Variants in CTSV observed in about 807,000 individuals in gnomAD.
CTSV encodes the protein cathepsin L2.
In CTSV, 33 loss-of-function variants were observed where a neutral mutation model predicts 35.6. That is an observed-to-expected ratio of 0.93 (90% confidence interval 0.70 to 1.24). The LOEUF is 1.24. Among genes scored for constraint, CTSV ranks in the 50% most tolerant of loss-of-function variants. The pLI, the probability that CTSV is intolerant of heterozygous loss-of-function variation, is 0.00. For synonymous variants in CTSV, 154 were observed against 147.1 expected (o/e 1.05, Z -0.34); for missense variants, 408 against 413.1 (o/e 0.99, Z 0.11).
rs1252649987 is a variant in CTSV at position 97,034,799 on chromosome 9, C to A, written c.832G>T (p.Gly278Cys). 5.0e-6 allele frequency: 8 copies of A among 1,614,108 alleles called. No homozygotes were observed. The highest frequency in any genetic ancestry group is 6.8e-6 in the Non-Finnish European group (8 of 1,180,022). Reference sequence around the variant, plus strand: ...AAGCCGTAGCCAACCACCAGAACACCATGATCCAGGTTTTTGCTGCTGCAG... The same window carrying A: ...AAGCCGTAGCCAACCACCAGAACACAATGATCCAGGTTTTTGCTGCTGCAG... ...PDCSSKNLDH[G>C]VLVVGYGFEG... The change falls in exon 7 of 8, where the codon GGT becomes TGT. Residue 278 changes from glycine to cysteine, a missense_variant. Physicochemically the swap from Gly to Cys is radical, Grantham distance 159. Transcript: ENST00000259470.
In CTSV at chr9:97,032,939, A is replaced by T. The variant is rs905339408; in HGVS notation, c.*10T>A. On this transcript the variant is annotated 3_prime_UTR_variant, in exon 8 of 8. Transcript: ENST00000259470. ...TGTCCTTAAGTCCTTCCTCCTCACCATCCATCAGCTCACACATTGGGGTAG... is the reference window on the plus strand; with the variant it reads ...TGTCCTTAAGTCCTTCCTCCTCACCTTCCATCAGCTCACACATTGGGGTAG... 2 of 1,600,778 alleles carry T rather than the reference A, an allele frequency of 1.2e-6. No homozygotes were observed. The highest frequency in any genetic ancestry group is 2.7e-5 in the African/African-American group (2 of 74,596).
At position 97,037,329 on chromosome 9, in the gene CTSV, G is replaced by A. The variant is rs768347914; in HGVS notation, c.319C>T (p.Arg107Cys). 6.6e-5 allele frequency: 107 copies of A among 1,613,958 alleles called. No individual in the cohort carries two copies. The highest frequency in any genetic ancestry group is 8.9e-5 in the Non-Finnish European group (105 of 1,180,008). The part of the protein sequence containing the change: ...NQKFRKGKVF[R>C]EPLFLDLPKS... Reference sequence around the variant, plus strand: ...GGAAGATCAAGAAACAGAGGCTCACGGAACACTTTCCCCTTCCTGAATTTC... The same window carrying A: ...GGAAGATCAAGAAACAGAGGCTCACAGAACACTTTCCCCTTCCTGAATTTC... The change falls in exon 4 of 8, where the codon CGT (arginine) becomes TGT (cysteine). Residue 107 changes from arginine (R) to cysteine (C), a missense_variant. Physicochemically the swap from Arg to Cys is radical, Grantham distance 180. Transcript: ENST00000259470.
At position 97,032,833 on chromosome 9, in the gene CTSV, T is replaced by G; in HGVS notation, c.*116A>C. The G allele has an allele frequency of 8.1e-6, 5 of 614,656 alleles. No homozygotes were observed. Among genetic ancestry groups the G allele is most frequent in the Admixed American group, 3.5e-5 (1 of 28,736 alleles). 38.1% of individuals were successfully genotyped at this position (614,656 alleles called of 1,614,324 possible). A position where few individuals can be genotyped will look rare whatever the true frequency, so the allele number is the denominator to read the frequency against. ...AATGTCACAGAATTAAAATCTCAAC[T>G]TGGATCCTCAATGATTCAACTGGTT... is the stretch of plus-strand genomic sequence containing the variant. On this transcript the variant is annotated 3_prime_UTR_variant, in exon 8 of 8. Transcript: ENST00000259470.
chr9:97,034,793 G>C lies in CTSV; in HGVS notation c.838C>G (p.Leu280Val), dbSNP rs753507628. The change falls in exon 7 of 8, where the codon CTG (leucine) becomes GTG (valine). Residue 280 changes from leucine to valine, a missense_variant. By Grantham distance (32) the Leu-to-Val change is conservative (BLOSUM62 1). Transcript: ENST00000259470. Reference protein sequence around the residue: ...CSSKNLDHGVLVVGYGFEGAN... With the variant: ...CSSKNLDHGVVVVGYGFEGAN... ...CCTTCAAAGCCGTAGCCAACCACCA[G>C]AACACCATGATCCAGGTTTTTGCTG... The C allele has an allele frequency of 1.2e-6, 2 of 1,614,102 alleles. No homozygotes were observed. The highest frequency in any genetic ancestry group is 2.7e-5 in the African/African-American group (2 of 75,008).
intron 3 of CTSV, 28 bp downstream of exon 3, chr9:97,037,465 A>C: frequency 6.2e-7 from 1 of 1,614,078 alleles, no homozygotes. Context: ...GAAGCAGCAC[A>C]GAGTTCAGCA....
intron 5 of CTSV, among the ~76,000 whole-genome samples, chr9:97,036,201 G>A (rs1828847085): frequency 2.0e-5 from 3 of 151,960 alleles, no homozygotes; most frequent in Admixed American, 2.0e-4. Context: ...CTCCTGAGTA[G>A]CTGGGACTAC....
At position 97,037,509 on chromosome 9, in the gene CTSV, T is replaced by C. The variant is rs775013814; in HGVS notation, c.233A>G (p.Asn78Ser). ...CACACTCACCATGTCACCAAAAGCA[T>C]TCATGGCCATTGTGAAGCCATGTTT... ...QGKHGFTMAM[N>S]AFGDMTNEEF... is the part of the protein sequence containing the mutation. Residue 78 changes from asparagine (N) to serine (S), a missense_variant, in exon 3 of 8, where the codon AAT becomes AGT. By Grantham distance (46) the Asn-to-Ser change is conservative. Transcript: ENST00000259470. 9 of 1,614,074 alleles carry C rather than the reference T, an allele frequency of 5.6e-6. No individual in the cohort carries two copies. The East Asian group carries it at 2.0e-4, about 36-fold the overall frequency.
At chr9:97,037,782 T>C (rs778218034) in intron 2 of CTSV, 136 bp downstream of exon 2, 357 of 1,363,700 alleles carry the variant, frequency 2.6e-4, no homozygotes, top group Non-Finnish European at 3.4e-4. Flanking sequence ...TATGCCCATA[T>C]TGCACCTATA....
Position 97,036,519 on chromosome 9 carries a change from T to G in CTSV, c.621+4A>C. On this transcript the variant is annotated splice_donor_region_variant and intron_variant, in intron 5 of 7. Transcript: ENST00000259470. ...CGAATGACAAGATAAGGAGCTCCAT[T>G]TACCACTGCTACATATGGATAGGAT... 4 of 1,604,564 alleles carry G rather than the reference T, an allele frequency of 2.5e-6. No individual in the cohort carries two copies. The highest frequency in any genetic ancestry group is 3.4e-6 in the Non-Finnish European group (4 of 1,171,312).
chr9:97,036,372 G>A (rs936080372), intron 5 of CTSV, 151 bp downstream of exon 5: 2 of 713,124 alleles, frequency 2.8e-6, no homozygotes, highest in African/African-American at 3.5e-5. Flanking sequence ...CCTGGCCAAA[G>A]GCTAATAATT....
Position 97,036,687 on chromosome 9 carries a change from G to T in CTSV, c.457C>A (p.Arg153=). ...ATGALEGQMF[R]KTGKLVSLSE... ...AGTGAGACAAGTTTCCCAGTTTTCC[G>T]GAACATCTGTCCTTCAAGAGCACCA... Residue 153 remains arginine, a synonymous_variant, in exon 5 of 8, where the codon CGG becomes AGG. Coordinates refer to ENST00000259470, the MANE Select transcript of CTSV (RefSeq NM_001333.4). 6.2e-7 allele frequency: 1 copy of T among 1,613,776 alleles called. No homozygotes were observed. The highest frequency in any genetic ancestry group is 8.5e-7 in the Non-Finnish European group (1 of 1,179,982).
intron 6 of CTSV, 62 bp from the exon 7 acceptor site, chr9:97,034,905 C>G (rs567267114): frequency 8.1e-7 from 1 of 1,240,952 alleles, no homozygotes; most frequent in South Asian, 1.2e-5. Flanking sequence ...AGTAACCCAC[C>G]CTACCACCCT....
chr9:97,037,834 A>G, intron 2 of CTSV, 84 bp downstream of exon 2: 1 of 1,556,370 alleles, frequency 6.4e-7, no homozygotes, highest in Non-Finnish European at 8.8e-7. Context: ...TCTGGTGTCT[A>G]GAAGCTACTC....
chr9:97,036,322 C>T (rs983505422), intron 5 of CTSV: 2 of 599,516 alleles, frequency 3.3e-6, no homozygotes, highest in Non-Finnish European at 6.0e-6. Context: ...CCGCCTGTCT[C>T]GGCCTCCCAA....
Position 97,033,044 on chromosome 9 carries a change from C to A in CTSV, c.910G>T (p.Gly304Cys). 2 of 1,607,620 alleles carry A rather than the reference C, an allele frequency of 1.2e-6. No homozygotes were observed. The highest frequency in any genetic ancestry group is 1.7e-6 in the Non-Finnish European group (2 of 1,177,520). ...TAGCCATTCGAGCCCCATTCTGGAC[C>A]CCAGCTGAAAGAGGAGCAGGTTTTC... is the stretch of plus-strand genomic sequence containing the variant. ...SKYWLVKNSWGPEWGSNGYVK... is the reference protein window; with the variant it reads ...SKYWLVKNSWCPEWGSNGYVK... The change falls in exon 8 of 8, where the codon GGT becomes TGT. Residue 304 changes from glycine to cysteine, a missense_variant. Physicochemically the swap from Gly to Cys is radical, Grantham distance 159. Transcript: ENST00000259470.
rs139219617 is a variant in CTSV, at chr9:97,037,993, A to T, written c.51T>A (p.Ala17=). The change falls in exon 2 of 8, where the codon GCT becomes GCA. Residue 17 remains alanine, a synonymous_variant. Coordinates refer to ENST00000259470, the MANE Select transcript of CTSV (RefSeq NM_001333.4). ...LAAFCLGIAS[A]VPKFDQNLDT... ...CCAAATTTTGGTCAAATTTTGGAACAGCGGAGGCTATTCCCAAGCAAAAGG... is the reference window on the plus strand; with the variant it reads ...CCAAATTTTGGTCAAATTTTGGAACTGCGGAGGCTATTCCCAAGCAAAAGG... The T allele has an allele frequency of 1.7e-3, 2,804 of 1,614,142 alleles. 2 individuals carry two copies. Among genetic ancestry groups the T allele is most frequent in the Middle Eastern group, 2.6e-3 (16 of 6,062 alleles).
rs1301952704 is a variant in CTSV, at chr9:97,033,039, T to A, written c.915A>T (p.Pro305=). The A allele has an allele frequency of 6.2e-7, 1 of 1,610,524 alleles. No homozygotes were observed. The highest frequency in any genetic ancestry group is 2.2e-5 in the East Asian group (1 of 44,860). ...TTACATAGCCATTCGAGCCCCATTC[T>A]GGACCCCAGCTGAAAGAGGAGCAGG... ...KYWLVKNSWG[P]EWGSNGYVKI... is the part of the protein sequence containing the mutation. The change falls in exon 8 of 8, where the codon CCA becomes CCT. Residue 305 remains proline (P), a synonymous_variant. Transcript: ENST00000259470.
rs1467473314 is a variant in CTSV at position 97,039,126 on chromosome 9, G to C, written c.-66C>G. 1.3e-5 allele frequency: 2 copies of C among 152,328 alleles called. No homozygotes were observed. The highest frequency in any genetic ancestry group is 2.9e-5 in the Non-Finnish European group (2 of 68,112). 9.4% of individuals were successfully genotyped at this position (152,328 alleles called of 1,614,324 possible). On this transcript the variant is annotated 5_prime_UTR_variant, in exon 1 of 8. Coordinates refer to ENST00000259470, the MANE Select transcript of CTSV (RefSeq NM_001333.4). ...CAGCAAACAAGCCTCTGAGATTACA[G>C]ACGTCCGCGGTCTGGTGCAGGTTCG...
rs1828881964 is a variant in CTSV, at chr9:97,037,820, A to C, written c.126+98T>G. On this transcript the variant is annotated intron_variant, in intron 2 of 7. Transcript: ENST00000259470. ...GGGTGCTGTTAGGTTATTGCCTGGTAAGGTCTGGTGTCTAGAAGCTACTCT... is the reference window on the plus strand; with the variant it reads ...GGGTGCTGTTAGGTTATTGCCTGGTCAGGTCTGGTGTCTAGAAGCTACTCT... 1.3e-5 allele frequency: 19 copies of C among 1,497,246 alleles called. No homozygotes were observed. In the South Asian group the frequency reaches 2.2e-4, roughly 17 times the overall value. The allele number at this position is 1,497,246 out of a possible 1,614,324, so 92.7% of individuals were successfully genotyped here.
Sources: gnomAD v4.1 joint callset for allele counts (sites outside exome capture counted in the v4.1 genomes callset) on GRCh38, gnomAD v4.1.1 for gene constraint, MANE v1.5 for transcripts, NCBI Gene and HGNC (gene_info 2026-07-23, HGNC 2026-07-21) for gene names.